Variants in SIPA1L2 observed in about 807,000 individuals in gnomAD.
The protein encoded by SIPA1L2 is signal induced proliferation associated 1 like 2.
In SIPA1L2, 56 loss-of-function variants were observed where a neutral mutation model predicts 163.9. The ratio of observed to expected loss-of-function variants is 0.34; its 90% confidence interval spans 0.28 to 0.43. The LOEUF is 0.43. Ranked by LOEUF, SIPA1L2 falls within the 20% of genes least tolerant of loss-of-function variation. The pLI is 1.00. For synonymous variants in SIPA1L2, 877 were observed against 865.7 expected, an observed-to-expected ratio of 1.01 and a Z score of -0.23; for missense variants, 1,974 against 2,193.5, an observed-to-expected ratio of 0.90 and a Z score of 2.00.
rs76034824 is a variant in SIPA1L2 at position 232,575,207 on chromosome 1, G to A, written c.-318-985C>T. ...ATATAAACATGGGTTTATGAAGCCA[G>A]TGTGGCTCTCTAAATGCTGCCAAGA... On this transcript the variant is annotated intron_variant, in intron 1 of 22. Coordinates refer to ENST00000674635, the MANE Select transcript of SIPA1L2 (RefSeq NM_020808.5). Among the ~76,000 whole-genome samples the A allele has an allele frequency of 6.4e-3, 971 of 152,294 alleles. 23 individuals carry two copies. Among genetic ancestry groups the A allele is most frequent in the Admixed American group, 0.028 (421 of 15,300 alleles).
chr1:232,491,661 T>G (rs1023531260), intron 4 of SIPA1L2, among the ~76,000 whole-genome samples: 6 of 152,094 alleles, frequency 3.9e-5, no homozygotes, highest in Admixed American at 3.9e-4. Context: ...CAATGAATAT[T>G]TGGAGCACGT....
chr1:232,480,158 T>C (rs989792902), intron 6 of SIPA1L2, among the ~76,000 whole-genome samples: 8 of 115,832 alleles, frequency 6.9e-5, no homozygotes, highest in Non-Finnish European at 1.2e-4. Flanking sequence ...TGTGTGCGTG[T>C]GTGTGTGTGT....
chr1:232,575,823 G>A (rs2025725), intron 1 of SIPA1L2, among the ~76,000 whole-genome samples: 72,597 of 151,930 alleles, frequency 0.48, 18,252 homozygotes, highest in East Asian at 0.85. Context: ...AATACGTGCC[G>A]TGGAATATTA....
At chr1:232,439,632 G>T in intron 14 of SIPA1L2, 136 bp from the exon 15 acceptor site, 1 of 1,019,960 alleles carries the variant, frequency 9.8e-7, no homozygotes, top group South Asian at 1.7e-5. Context: ...GGCAATGACA[G>T]GACTTCCTTT....
rs1374374755 is a variant in SIPA1L2 at position 232,399,201 on chromosome 1, C to T, written c.5095G>A (p.Glu1699Lys). Residue 1699 changes from glutamate (E) to lysine (K), a missense_variant, in exon 23 of 23, where the codon GAG (glutamate) becomes AAG (lysine). Transcript: ENST00000674635. The stretch of plus-strand genomic sequence containing the variant: ...AGCTGAGCTGTCGCGGTCTGGGACT[C>T]CTCCTGCAGTCTCATGTTGTCCTGT... ...LRQDNMRLQE[E>K]SQTATAQLRK... 3 of 1,613,792 alleles carry T rather than the reference C, an allele frequency of 1.9e-6. No individual in the cohort carries two copies. The highest frequency in any genetic ancestry group is 1.1e-5 in the South Asian group (1 of 91,064).
At chr1:232,431,299 C>T (rs954755418) in intron 16 of SIPA1L2, among the ~76,000 whole-genome samples, 1 of 152,092 alleles carries the variant, frequency 6.6e-6, no homozygotes, top group Non-Finnish European at 1.5e-5. Flanking sequence ...CCTAAATAAG[C>T]CATTTGCAAT....
upstream of SIPA1L2, among the ~76,000 whole-genome samples, chr1:232,630,352 CGGACGCCCTTCTTGGGGAGGGGGCT>C (rs1377152174): frequency 6.6e-6 from 1 of 152,050 alleles, no homozygotes; most frequent in African/African-American, 2.4e-5. Context: ...AGGAGGGGCC[CGGACGCCCTTCTTGGGGAGGGGGCT>C]GCGGGGCGCA....
intron 2 of SIPA1L2, among the ~76,000 whole-genome samples, chr1:232,557,588 A>G (rs1379557791): frequency 6.6e-6 from 1 of 152,224 alleles, no homozygotes; most frequent in Non-Finnish European, 1.5e-5. Flanking sequence ...ATTCCAAAGA[A>G]TATTTCCTCT....
chr1:232,473,185 C>T lies in SIPA1L2; in HGVS notation c.2086-1657G>A, dbSNP rs188334671. On this transcript the variant is annotated intron_variant, in intron 7 of 22. Coordinates refer to ENST00000674635, the MANE Select transcript of SIPA1L2 (RefSeq NM_020808.5). ...CAAGGACATTCTTTACTCTTTTCTCCAAAAATTGAAATACATGATTCATAG... is the reference window on the plus strand; with the variant it reads ...CAAGGACATTCTTTACTCTTTTCTCTAAAAATTGAAATACATGATTCATAG... Among the ~76,000 whole-genome samples, 196 of 152,278 alleles carry T rather than the reference C, an allele frequency of 1.3e-3. 2 individuals are homozygous for T. Among genetic ancestry groups the T allele is most frequent in the Admixed American group, 2.8e-3 (43 of 15,298 alleles).
intron 3 of SIPA1L2, among the ~76,000 whole-genome samples, chr1:232,497,089 A>T (rs904855611): frequency 6.6e-6 from 1 of 152,200 alleles, no homozygotes; most frequent in South Asian, 2.1e-4. Flanking sequence ...TAAAATGATC[A>T]TATGTGTACT....
At chr1:232,626,401 GAGA>G (rs773758919) in intron 1 of SIPA1L2, among the ~76,000 whole-genome samples, 5 of 151,998 alleles carry the variant, frequency 3.3e-5, no homozygotes, top group Admixed American at 6.6e-5. Flanking sequence ...AGTACTGGGG[GAGA>G]AGAACGAACC....
At chr1:232,425,478 A>C (rs918268734) in intron 18 of SIPA1L2, 111 bp downstream of exon 18, 5 of 773,984 alleles carry the variant, frequency 6.5e-6, no homozygotes, top group Non-Finnish European at 9.3e-6. Context: ...ATATTTAATA[A>C]AAACAAAAAC....
At chr1:232,575,606 T>C (rs193171605) in intron 1 of SIPA1L2, among the ~76,000 whole-genome samples, 23 of 152,058 alleles carry the variant, frequency 1.5e-4, no homozygotes, top group African/African-American at 5.3e-4. Context: ...ATGCATAATA[T>C]AGTGGGTACC....
chr1:232,531,108 T>G (rs1656896879), intron 2 of SIPA1L2, among the ~76,000 whole-genome samples: 1 of 152,228 alleles, frequency 6.6e-6, no homozygotes, highest in African/African-American at 2.4e-5. Flanking sequence ...CTAAATGCCT[T>G]TTAAGTATTT....
intron 18 of SIPA1L2, among the ~76,000 whole-genome samples, chr1:232,423,676 T>G (rs1661709292): frequency 6.6e-6 from 1 of 152,216 alleles, no homozygotes; most frequent in Non-Finnish European, 1.5e-5. Flanking sequence ...GCTAGGACAG[T>G]GAATGAACAG....
At chr1:232,432,498 C>A in intron 15 of SIPA1L2, 27 bp from the exon 16 acceptor site, 2 of 1,590,608 alleles carry the variant, frequency 1.3e-6, no homozygotes, top group Non-Finnish European at 1.7e-6. Context: ...ACAAAAGCTG[C>A]AATACAATCT....
At chr1:232,543,795 G>C (rs1012789445) in intron 2 of SIPA1L2, among the ~76,000 whole-genome samples, 2 of 152,188 alleles carry the variant, frequency 1.3e-5, no homozygotes, top group Non-Finnish European at 1.5e-5. Context: ...GTGAGCCCAG[G>C]AGTTTGAGGC....
chr1:232,445,348 G>C (rs1663149537), intron 11 of SIPA1L2, among the ~76,000 whole-genome samples, 181 bp downstream of exon 11: 3 of 152,122 alleles, frequency 2.0e-5, no homozygotes, highest in African/African-American at 7.2e-5. Flanking sequence ...ACCATCTTGG[G>C]GCCAGGAGAG....
At chr1:232,522,420 AC>A (rs2103062999) in intron 2 of SIPA1L2, among the ~76,000 whole-genome samples, 1 of 151,298 alleles carries the variant, frequency 6.6e-6, no homozygotes, top group East Asian at 1.9e-4. Flanking sequence ...TATCCATCAC[AC>A]CTCAGTTCAC....
Sources: allele counts gnomAD v4.1 joint callset (sites outside exome capture counted in the v4.1 genomes callset), GRCh38; gene constraint gnomAD v4.1.1; transcripts MANE v1.5; gene names NCBI Gene and HGNC (gene_info 2026-07-23, HGNC 2026-07-21).